ATAD3A: variants seen among roughly 807,000 people sequenced by gnomAD.
The protein encoded by ATAD3A is ATPase family AAA domain-containing protein 3A.
In ATAD3A, 46 loss-of-function variants were observed where a neutral mutation model predicts 73.8. The ratio of observed to expected loss-of-function variants is 0.62; its 90% CI spans 0.49 to 0.80. The LOEUF is 0.80. Ranked by LOEUF, ATAD3A falls within the 30% of genes least tolerant of loss-of-function variation. The pLI, the probability that ATAD3A is intolerant of heterozygous loss-of-function variation, is 0.00. For missense variants in ATAD3A, 705 were observed against 838.0 expected (o/e 0.84, Z 1.96); for synonymous variants, 319 against 350.0 (o/e 0.91, Z 0.99).
At chr1:1,519,095 C>G (rs1364191165) in intron 5 of ATAD3A, 105 bp downstream of exon 5, 1 of 1,600,618 alleles carries the variant, frequency 6.2e-7, no homozygotes, top group East Asian at 2.2e-5. Flanking sequence ...TCATAGCTAC[C>G]AGTGCAGTGG....
intron 7 of ATAD3A, among the ~76,000 whole-genome samples, chr1:1,521,316 A>G (rs1034204694): frequency 1.3e-5 from 2 of 150,742 alleles, no homozygotes; most frequent in African/African-American, 4.9e-5. Flanking sequence ...AAAAAAAAAA[A>G]AAAAAAAAAA....
chr1:1,527,613 G>A, intron 13 of ATAD3A, 82 bp from the exon 14 acceptor site: 1 of 1,495,654 alleles, frequency 6.7e-7, no homozygotes, highest in Non-Finnish European at 9.0e-7. Context: ...GGTTCTCCCT[G>A]TGGGGGCTGA....
chr1:1,529,396 G>C, intron 15 of ATAD3A, 65 bp downstream of exon 15: 1 of 1,510,178 alleles, frequency 6.6e-7, no homozygotes. Context: ...GCTCAGTTGC[G>C]CCAGGCCTGT....
chr1:1,520,597 T>G lies in ATAD3A; in HGVS notation c.730T>G (p.Trp244Gly). 1 of 1,610,856 alleles carries G rather than the reference T, an allele frequency of 6.2e-7. No individual in the cohort carries two copies. The highest frequency in any genetic ancestry group is 1.1e-5 in the South Asian group (1 of 90,720). ...AGGATTCCGTGCCTTTGTGACAGACTGGGACAAAGTGACAGCCACGGTAAA... is the reference window on the plus strand; with the variant it reads ...AGGATTCCGTGCCTTTGTGACAGACGGGGACAAAGTGACAGCCACGGTAAA... Reference protein sequence around the residue: ...GEGFRAFVTDWDKVTATVAGL... With the variant: ...GEGFRAFVTDGDKVTATVAGL... The change falls in exon 7 of 16, where the codon TGG becomes GGG. Residue 244 changes from tryptophan (W) to glycine (G), a missense_variant. Coordinates refer to ENST00000378756, the MANE Select transcript of ATAD3A (RefSeq NM_001170535.3). The surrounding 1 kb of genome is among the most constrained non-coding windows in gnomAD (Gnocchi z 4.0).
intron 5 of ATAD3A, 101 bp downstream of exon 5, chr1:1,519,091 C>G: frequency 1.9e-6 from 3 of 1,602,854 alleles, no homozygotes; most frequent in South Asian, 1.1e-5. Flanking sequence ...CCCCTCATAG[C>G]TACCAGTGCA....
intron 5 of ATAD3A, 110 bp downstream of exon 5, chr1:1,519,100 C>T: frequency 6.3e-7 from 1 of 1,590,748 alleles, no homozygotes; most frequent in Non-Finnish European, 8.6e-7. Flanking sequence ...GCTACCAGTG[C>T]AGTGGGCGAG....
intron 1 of ATAD3A, among the ~76,000 whole-genome samples, 177 bp from the exon 2 acceptor site, chr1:1,515,835 G>A (rs1641336661): frequency 6.6e-6 from 1 of 152,206 alleles, no homozygotes; most frequent in Non-Finnish European, 1.5e-5. Flanking sequence ...GCCGTGTGCT[G>A]GGGATGGTGC....
intron 2 of ATAD3A, among the ~76,000 whole-genome samples, chr1:1,516,360 CG>C (rs1351848110): frequency 4.6e-5 from 7 of 152,070 alleles, no homozygotes; most frequent in African/African-American, 1.7e-4. Flanking sequence ...TCTGGTCGTC[CG>C]GATGGCCTGG....
rs1156907063 is a variant in ATAD3A at position 1,518,293 on chromosome 1, CA to C, written c.444+519del. On this transcript the variant is annotated intron_variant, in intron 4 of 15. Coordinates refer to ENST00000378756, the MANE Select transcript of ATAD3A (RefSeq NM_001170535.3). ...CACCACACACAGGTACGTACCCCCC[CA>C]CACACACACAGGCGCACACATACCC... is the stretch of plus-strand genomic sequence containing the variant. 2.2e-4 allele frequency among the ~76,000 whole-genome samples: 25 copies of C among 114,938 alleles called. No individual in the cohort carries two copies. The South Asian group carries it at 7.1e-3, about 33-fold the overall frequency. 75.4% of individuals were successfully genotyped at this position (114,938 alleles called of 152,430 possible).
At chr1:1,517,589 G>C in intron 3 of ATAD3A, 127 bp from the exon 4 acceptor site, 1 of 770,218 alleles carries the variant, frequency 1.3e-6, no homozygotes, top group Non-Finnish European at 2.0e-6. Flanking sequence ...AGCCGGACGG[G>C]AGGTCCCCGC....
chr1:1,527,029 A>G (rs896384687), intron 13 of ATAD3A: 97 of 497,494 alleles, frequency 1.9e-4, no homozygotes, highest in Non-Finnish European at 2.7e-4. Flanking sequence ...CTTGGGGCCC[A>G]CCCGACTTTG....
rs1204748813 is a variant in ATAD3A, at chr1:1,520,263, C to T, written c.637C>T (p.Leu213=). The change falls in exon 6 of 16, where the codon CTG becomes TTG. Residue 213 remains leucine, a synonymous_variant. Transcript: ENST00000378756. The surrounding 1 kb of genome is among the most constrained non-coding windows in gnomAD (Gnocchi z 4.0). ...NADIIREQIR[L]KAAEHRQTVL... The stretch of plus-strand genomic sequence containing the variant: ...AGACATCATCCGCGAGCAGATCCGC[C>T]TGAAGGCGGCCGAGCACCGTCAGAC... The T allele has an allele frequency of 6.2e-7, 1 of 1,612,940 alleles. No individual in the cohort carries two copies. The highest frequency in any genetic ancestry group is 8.5e-7 in the Non-Finnish European group (1 of 1,179,704).
Position 1,523,534 on chromosome 1 carries a change from A to T in ATAD3A, c.930A>T (p.Arg310=), listed in dbSNP as rs752112180. 6 of 1,612,190 alleles carry T rather than the reference A, an allele frequency of 3.7e-6. No homozygotes were observed. The highest frequency in any genetic ancestry group is 1.8e-4 in the Middle Eastern group (1 of 5,600). Residue 310 remains arginine, a synonymous_variant, in exon 9 of 16, where the codon CGA becomes CGT. Coordinates refer to ENST00000378756, the MANE Select transcript of ATAD3A (RefSeq NM_001170535.3). The surrounding 1 kb of genome is among the most constrained non-coding windows in gnomAD (Gnocchi z 5.1). ...AGGTCAGCCGGCGGCTCCTCAGTCGACCCCAGGACGCGCTGGAGGGTGTTG... is the reference window on the plus strand; with the variant it reads ...AGGTCAGCCGGCGGCTCCTCAGTCGTCCCCAGGACGCGCTGGAGGGTGTTG... ...PIQVSRRLLS[R]PQDALEGVVL... is the part of the protein sequence containing the mutation.
intron 12 of ATAD3A, among the ~76,000 whole-genome samples, chr1:1,526,026 CTTTTTT>C (rs1159825001): frequency 7.1e-6 from 1 of 141,604 alleles, no homozygotes. Context: ...TTTTCTTTTT[CTTTTTT>C]TTTTTTTTAA....
At chr1:1,518,150 C>G (rs965413044) in intron 4 of ATAD3A, among the ~76,000 whole-genome samples, 2 of 150,472 alleles carry the variant, frequency 1.3e-5, no homozygotes, top group Non-Finnish European at 3.0e-5. Flanking sequence ...CGCAAACATA[C>G]CCCCACACAA....
At chr1:1,526,149 C>T (rs550054345) in intron 12 of ATAD3A, among the ~76,000 whole-genome samples, 30 of 151,854 alleles carry the variant, frequency 2.0e-4, no homozygotes, top group Admixed American at 1.4e-3. Flanking sequence ...CAGCCTCCCA[C>T]GTAGCTGGGA....
intron 1 of ATAD3A, chr1:1,512,731 G>A: frequency 1.7e-6 from 2 of 1,176,878 alleles, no homozygotes; most frequent in Non-Finnish European, 2.2e-6. Context: ...TAGGTTACAG[G>A]GGTCAGGGTC....
chr1:1,534,344 G>T lies in ATAD3A; in HGVS notation c.*272G>T. 7 of 1,407,386 alleles carry T rather than the reference G, an allele frequency of 5.0e-6. No individual in the cohort carries two copies. Among genetic ancestry groups the T allele is most frequent in the Non-Finnish European group, 6.5e-6 (7 of 1,084,062 alleles). 87.2% of individuals were successfully genotyped at this position (1,407,386 alleles called of 1,614,324 possible). A position where few individuals can be genotyped will look rare whatever the true frequency, so the allele number is the denominator to read the frequency against. ...TTTTCCGTCTGGCTCACAGGGGGAGGGTGAGGCTTTGCACCCCAGCCCCTG... is the reference window on the plus strand; with the variant it reads ...TTTTCCGTCTGGCTCACAGGGGGAGTGTGAGGCTTTGCACCCCAGCCCCTG... On this transcript the variant is annotated 3_prime_UTR_variant, in exon 16 of 16. Transcript: ENST00000378756.
intron 11 of ATAD3A, among the ~76,000 whole-genome samples, chr1:1,524,911 C>T (rs9329412): frequency 0.15 from 22,333 of 151,940 alleles, 3,703 homozygotes; most frequent in African/African-American, 0.39. Context: ...TGGCCTTTGA[C>T]CTTTCACTTT....
Sources: gnomAD v4.1 joint callset for allele counts (sites outside exome capture counted in the v4.1 genomes callset) on GRCh38, gnomAD v4.1.1 for gene constraint, Gnocchi (gnomAD v3.1) non-coding constraint, MANE v1.5 for transcripts, NCBI Gene and HGNC (gene_info 2026-07-23, HGNC 2026-07-21) for gene names.